The following ENOX1 variants were observed in gnomAD, a reference collection of about 807,000 sequenced individuals.
ENOX1 encodes candidate growth-related and time keeping constitutive hydroquinone (NADH) oxidase.
ENOX1 carries 42 observed loss-of-function variants against 82.5 expected under a neutral mutation model. The ratio of observed to expected loss-of-function variants is 0.51; its 90% CI spans 0.40 to 0.66. The LOEUF is 0.66. ENOX1 is among the 30% of genes least tolerant of loss of function. The pLI is 0.00. For missense variants in ENOX1, 608 were observed against 811.6 expected (o/e 0.75, Z 3.05); for synonymous variants, 271 against 282.2 (o/e 0.96, Z 0.40).
chr13:43,394,631 AG>A (rs1458964002), intron 5 of ENOX1: 3 of 152,374 alleles, frequency 2.0e-5, no homozygotes, highest in Admixed American at 6.5e-5. Context: ...CATCCCACCA[AG>A]CACACCAAGT....
chr13:43,590,649 G>A (rs2011130), intron 2 of ENOX1, among the ~76,000 whole-genome samples: 138,693 of 151,796 alleles, frequency 0.91, 63,474 homozygotes, highest in Middle Eastern at 0.95. Flanking sequence ...AGTGGCACGC[G>A]CCTGTAGTCC....
At chr13:43,541,173 G>GTTTTTCTTTTTTTTTTTT (rs2078697290) in intron 2 of ENOX1, among the ~76,000 whole-genome samples, 1 of 64,574 alleles carries the variant, frequency 1.5e-5, no homozygotes. Flanking sequence ...TCTTCCCTCT[G>GTTTTTCTTTTTTTTTTTT]TTTTTTTTTT....
At chr13:43,670,949 G>A (rs984444916) in intron 1 of ENOX1, among the ~76,000 whole-genome samples, 3 of 152,014 alleles carry the variant, frequency 2.0e-5, no homozygotes, top group African/African-American at 7.2e-5. Flanking sequence ...TAGATTTTTG[G>A]TATTGACATC....
At chr13:43,695,644 C>T (rs528226146) in intron 1 of ENOX1, among the ~76,000 whole-genome samples, 25 of 152,140 alleles carry the variant, frequency 1.6e-4, no homozygotes, top group African/African-American at 5.3e-4. Flanking sequence ...GACGGGGTTT[C>T]GCCATGTTGG....
intron 11 of ENOX1, among the ~76,000 whole-genome samples, chr13:43,316,629 C>T (rs1429027255): frequency 6.7e-6 from 1 of 149,730 alleles, no homozygotes. Context: ...AAGCAATTTA[C>T]AAAAAAAAAA....
intron 3 of ENOX1, among the ~76,000 whole-genome samples, chr13:43,464,049 T>C (rs527469629): frequency 1.8e-4 from 28 of 152,306 alleles, no homozygotes; most frequent in African/African-American, 6.5e-4. Flanking sequence ...CCATGTGCTA[T>C]TGTAGAAACA....
At chr13:43,269,092 T>C (rs2044542468) in intron 13 of ENOX1, among the ~76,000 whole-genome samples, 1 of 152,250 alleles carries the variant, frequency 6.6e-6, no homozygotes, top group Admixed American at 6.5e-5. Context: ...CTTGTTCATG[T>C]GTCTGCAGGA....
intron 2 of ENOX1, among the ~76,000 whole-genome samples, chr13:43,508,055 T>A (rs888707058): frequency 6.6e-6 from 1 of 151,932 alleles, no homozygotes; most frequent in Admixed American, 6.6e-5. Flanking sequence ...CTGGAAGGCA[T>A]TAAAGGGAGG....
At chr13:43,305,406 G>C (rs2046802905) in intron 11 of ENOX1, among the ~76,000 whole-genome samples, 1 of 152,174 alleles carries the variant, frequency 6.6e-6, no homozygotes, top group African/African-American at 2.4e-5. Context: ...TATTATTAGG[G>C]AAAGCTAAAC....
chr13:43,600,699 G>C (rs754990836), intron 2 of ENOX1, among the ~76,000 whole-genome samples: 2 of 152,052 alleles, frequency 1.3e-5, no homozygotes, highest in Non-Finnish European at 2.9e-5. Flanking sequence ...CCAGGCACTG[G>C]TTACCGCAGG....
chr13:43,339,926 C>G (rs1340882047), intron 9 of ENOX1, among the ~76,000 whole-genome samples: 1 of 152,184 alleles, frequency 6.6e-6, no homozygotes, highest in African/African-American at 2.4e-5. Context: ...GAAAATGCAG[C>G]AAGTGTGTCA....
chr13:43,749,952 G>A (rs989777689), intron 1 of ENOX1, among the ~76,000 whole-genome samples: 8 of 152,008 alleles, frequency 5.3e-5, no homozygotes, highest in Admixed American at 2.0e-4. Flanking sequence ...CCAATAATTC[G>A]ACTATACTCT....
At chr13:43,406,457 T>C (rs2083867502) in intron 5 of ENOX1, among the ~76,000 whole-genome samples, 1 of 151,626 alleles carries the variant, frequency 6.6e-6, no homozygotes, top group Non-Finnish European at 1.5e-5. Flanking sequence ...TGATAAAGGA[T>C]GTGGCTCTAT....
intron 14 of ENOX1, among the ~76,000 whole-genome samples, chr13:43,256,817 T>G (rs1277194547): frequency 6.6e-6 from 1 of 152,068 alleles, no homozygotes; most frequent in East Asian, 1.9e-4. Context: ...TGGGTATATA[T>G]TCAAAAGAAA....
Position 43,454,006 on chromosome 13 carries a change from G to A in ENOX1, c.-75+30003C>T, listed in dbSNP as rs113975878. On this transcript the variant is annotated intron_variant, in intron 3 of 16. Transcript: ENST00000690772. ...TGAGATAGATAAATGAGTTTTGAAAGATTAAAAAATCACCATCAGCTTCTT... is the reference window on the plus strand; with the variant it reads ...TGAGATAGATAAATGAGTTTTGAAAAATTAAAAAATCACCATCAGCTTCTT... 7.6e-4 allele frequency among the ~76,000 whole-genome samples: 115 copies of A among 152,072 alleles called. 1 individual carries two copies. Among genetic ancestry groups the A allele is most frequent in the African/African-American group, 2.4e-3 (101 of 41,500 alleles).
intron 2 of ENOX1, among the ~76,000 whole-genome samples, chr13:43,653,953 A>C (rs573223728): frequency 6.6e-6 from 1 of 152,220 alleles, no homozygotes; most frequent in East Asian, 1.9e-4. Flanking sequence ...CACTGGGGAA[A>C]TGAAGCAAAA....
At chr13:43,224,197 A>G in intron 15 of ENOX1, 59 bp from the exon 16 acceptor site, 1 of 1,358,914 alleles carries the variant, frequency 7.4e-7, no homozygotes, top group Non-Finnish European at 1.0e-6. Flanking sequence ...TCTCTGGTTA[A>G]ATAATGCTGT....
chr13:43,384,344 C>T (rs1018483042), intron 5 of ENOX1, among the ~76,000 whole-genome samples: 1 of 152,178 alleles, frequency 6.6e-6, no homozygotes, highest in South Asian at 2.1e-4. Flanking sequence ...GCAGCAAAAT[C>T]TTCTGGGAGA....
intron 12 of ENOX1, among the ~76,000 whole-genome samples, chr13:43,270,112 G>A (rs538638188): frequency 6.6e-6 from 1 of 152,252 alleles, no homozygotes; most frequent in East Asian, 1.9e-4. Context: ...GATATAAACT[G>A]TCAAAACATC....
Sources: gnomAD v4.1 joint callset for allele counts (sites outside exome capture counted in the v4.1 genomes callset) on GRCh38, gnomAD v4.1.1 for gene constraint, MANE v1.5 for transcripts, NCBI Gene and HGNC (gene_info 2026-07-23, HGNC 2026-07-21) for gene names.